NOX4: variants seen among roughly 807,000 people sequenced by gnomAD.
NOX4 encodes NADPH oxidase 4, also known as kidney oxidase-1.
A neutral mutation model predicts 87.6 loss-of-function variants in NOX4; 69 were observed. The observed-to-expected ratio is 0.79, with a 90% CI of 0.65 to 0.96. NOX4 has a LOEUF of 0.96. Among genes scored for constraint, NOX4 ranks in the 40% least tolerant of loss-of-function variants. NOX4 has a pLI of 0.00. For synonymous variants in NOX4, 275 were observed against 238.2 expected, an observed-to-expected ratio of 1.15 and a Z score of -1.42; for missense variants, 680 against 681.5, an observed-to-expected ratio of 1.00 and a Z score of 0.02.
chr11:89,512,821 T>C, the NOX4 span, among the ~76,000 whole-genome samples: 1 of 152,108 alleles, frequency 6.6e-6, no homozygotes, highest in South Asian at 2.1e-4. Flanking sequence ...GCCCACTGAT[T>C]ATACTTGCAG....
chr11:89,359,615 G>T (rs553534563), intron 12 of NOX4, among the ~76,000 whole-genome samples: 3 of 152,158 alleles, frequency 2.0e-5, no homozygotes, highest in Non-Finnish European at 4.4e-5. Flanking sequence ...CTAGAGATGT[G>T]ATCACTGTCA....
the NOX4 span, among the ~76,000 whole-genome samples, chr11:89,530,387 G>C: frequency 2.3e-3 from 326 of 141,634 alleles, no homozygotes; most frequent in Middle Eastern, 8.2e-3. Flanking sequence ...CTATCACCTA[G>C]GCTGGAGTGC....
At chr11:89,451,690 T>G in intron 3 of NOX4, 95 bp downstream of exon 3, 1 of 816,770 alleles carries the variant, frequency 1.2e-6, no homozygotes, top group South Asian at 1.5e-5. Flanking sequence ...ATCACTCCAG[T>G]CAAAAGTCAG....
intron 11 of NOX4, among the ~76,000 whole-genome samples, chr11:89,395,241 C>A (rs1263419374): frequency 1.3e-5 from 2 of 152,152 alleles, no homozygotes; most frequent in African/African-American, 2.4e-5. Flanking sequence ...ATTTGCATTT[C>A]TGTGATGGCC....
intron 4 of NOX4, among the ~76,000 whole-genome samples, chr11:89,446,630 T>C (rs1327477839): frequency 6.6e-6 from 1 of 152,132 alleles, no homozygotes; most frequent in Non-Finnish European, 1.5e-5. Flanking sequence ...AGACTACATA[T>C]AGCATGATTC....
At chr11:89,493,961 G>A (rs895263870), upstream of NOX4, among the ~76,000 whole-genome samples, 1 of 151,918 alleles carries the variant, frequency 6.6e-6, no homozygotes, top group Non-Finnish European at 1.5e-5. Flanking sequence ...CACCACATTG[G>A]CCAGGCTGCT....
chr11:89,454,283 CTGTT>C (rs1003939659), intron 2 of NOX4, among the ~76,000 whole-genome samples: 27 of 151,588 alleles, frequency 1.8e-4, no homozygotes. Context: ...TTTTAATTAT[CTGTT>C]TATCAATCAC....
At chr11:89,570,479 T>C in the NOX4 span, among the ~76,000 whole-genome samples, 1 of 152,168 alleles carries the variant, frequency 6.6e-6, no homozygotes, top group Admixed American at 6.5e-5. Context: ...AACCTGTATA[T>C]GTACCCCTCG....
intron 2 of NOX4, among the ~76,000 whole-genome samples, chr11:89,482,213 T>G (rs1415452727): frequency 6.6e-6 from 1 of 151,992 alleles, no homozygotes; most frequent in Non-Finnish European, 1.5e-5. Flanking sequence ...AGGACCCTTT[T>G]GCCATGTCAT....
the NOX4 span, among the ~76,000 whole-genome samples, chr11:89,528,123 T>A: frequency 1.3e-5 from 2 of 152,220 alleles, no homozygotes; most frequent in African/African-American, 4.8e-5. Flanking sequence ...AAGATTTTAA[T>A]GCCCCACTGG....
the NOX4 span, chr11:89,548,289 A>G: frequency 2.6e-5 from 4 of 152,188 alleles, no homozygotes; most frequent in African/African-American, 4.8e-5. Context: ...AAAAGACCAG[A>G]ATGCTAACTA....
intron 8 of NOX4, among the ~76,000 whole-genome samples, chr11:89,413,031 A>G (rs964523674): frequency 2.0e-5 from 3 of 152,200 alleles, no homozygotes; most frequent in South Asian, 2.1e-4. Flanking sequence ...ATCTAAATTG[A>G]CATATCTCAA....
At chr11:89,565,797 T>C in the NOX4 span, among the ~76,000 whole-genome samples, 5 of 152,078 alleles carry the variant, frequency 3.3e-5, no homozygotes, top group African/African-American at 1.2e-4. Context: ...TATTGCATTT[T>C]ATCACTAGCT....
chr11:89,441,913 T>G (rs1018434658), intron 5 of NOX4, among the ~76,000 whole-genome samples: 2 of 148,508 alleles, frequency 1.3e-5, no homozygotes, highest in Admixed American at 6.8e-5. Context: ...ACCATCTTTT[T>G]CAAAAGTGCT....
At chr11:89,419,490 T>A (rs1346673722) in intron 8 of NOX4, among the ~76,000 whole-genome samples, 4 of 151,928 alleles carry the variant, frequency 2.6e-5, no homozygotes, top group Non-Finnish European at 5.9e-5. Context: ...CAGAAGCATA[T>A]CTATTAAATT....
rs941691175 is a variant in NOX4 at position 89,340,232 on chromosome 11, G to A, written c.1338-61C>T. 123 of 1,120,882 alleles carry A rather than the reference G, an allele frequency of 1.1e-4. 2 individuals are homozygous for A. The South Asian group carries it at 1.2e-3, about 11-fold the overall frequency. 69.4% of individuals were successfully genotyped at this position (1,120,882 alleles called of 1,614,324 possible). The stretch of plus-strand genomic sequence containing the variant: ...GGCAAACACAAATATTAAAGAATTC[G>A]TATATTTTTTAAAGTTTCCTTTTCA... On this transcript the variant is annotated intron_variant, in intron 14 of 17. Coordinates refer to ENST00000263317, the MANE Select transcript of NOX4 (RefSeq NM_016931.5).
intron 12 of NOX4, among the ~76,000 whole-genome samples, chr11:89,357,531 T>C (rs566325957): frequency 1.5e-4 from 23 of 152,142 alleles, no homozygotes; most frequent in Non-Finnish European, 3.1e-4. Context: ...AAATGAGTAA[T>C]GTGTAATGCT....
chr11:89,465,737 T>C (rs1468438882), intron 2 of NOX4, among the ~76,000 whole-genome samples: 1 of 152,190 alleles, frequency 6.6e-6, no homozygotes, highest in Non-Finnish European at 1.5e-5. Context: ...CCAGCAATGA[T>C]GAGCATTTTT....
At chr11:89,390,145 GAAGT>G (rs1338956734) in intron 11 of NOX4, among the ~76,000 whole-genome samples, 1 of 152,154 alleles carries the variant, frequency 6.6e-6, no homozygotes, top group Non-Finnish European at 1.5e-5. Context: ...GTGCCAAATA[GAAGT>G]AATTGGACAG....
Sources: allele counts gnomAD v4.1 joint callset (sites outside exome capture counted in the v4.1 genomes callset), GRCh38; gene constraint gnomAD v4.1.1; transcripts MANE v1.5; gene names NCBI Gene and HGNC (gene_info 2026-07-23, HGNC 2026-07-21).